Variants in TRAPPC9 observed in about 807,000 individuals in gnomAD.
TRAPPC9 encodes trafficking protein particle complex subunit 9.
Under a neutral mutation model 124.0 loss-of-function variants are expected in TRAPPC9, and 83 were observed. The ratio of observed to expected loss-of-function variants is 0.67; its 90% CI spans 0.56 to 0.80. The LOEUF is 0.80. Ranked by LOEUF, TRAPPC9 falls within the 30% of genes least tolerant of loss-of-function variation. The pLI, the probability that TRAPPC9 is intolerant of heterozygous loss-of-function variation, is 0.00. For missense variants in TRAPPC9, 1,302 were observed against 1,508.3 expected, an observed-to-expected ratio of 0.86 and a Z score of 2.27; for synonymous variants, 638 against 617.5, an observed-to-expected ratio of 1.03 and a Z score of -0.49.
At chr8:139,818,924 T>C (rs1825055039) in intron 21 of TRAPPC9, among the ~76,000 whole-genome samples, 1 of 152,242 alleles carries the variant, frequency 6.6e-6, no homozygotes, top group African/African-American at 2.4e-5. Context: ...CTTAGTCCCT[T>C]GTACACATCT....
chr8:139,812,366 G>C (rs1824501791), intron 21 of TRAPPC9, among the ~76,000 whole-genome samples: 1 of 152,196 alleles, frequency 6.6e-6, no homozygotes, highest in South Asian at 2.1e-4. Flanking sequence ...AACTGTAGTA[G>C]ACAGGTAGAG....
At position 140,373,684 on chromosome 8, in the gene TRAPPC9, G is replaced by A. The variant is rs142115976; in HGVS notation, c.1135-2504C>T. ...ATATCACCTGCTCACCAGCATATGA[G>A]GATATCACCTGCTCACCAGCATATG... On this transcript the variant is annotated intron_variant, in intron 7 of 22. Coordinates refer to ENST00000438773, the MANE Select transcript of TRAPPC9 (RefSeq NM_001160372.4). 1.2e-4 allele frequency among the ~76,000 whole-genome samples: 19 copies of A among 152,192 alleles called. 1 individual carries two copies. The East Asian group carries it at 1.7e-3, about 14-fold the overall frequency.
rs542435829 is a variant in TRAPPC9 at position 139,903,023 on chromosome 8, T to C, written c.2964+7124A>G. 8.5e-5 allele frequency among the ~76,000 whole-genome samples: 13 copies of C among 152,268 alleles called. No homozygotes were observed. The South Asian group carries it at 1.2e-3, about 15-fold the overall frequency. On this transcript the variant is annotated intron_variant, in intron 20 of 22. Transcript: ENST00000438773. ...CTCTTCACTTTGCAGAGGGTGACTG[T>C]TGTCTGCAAGATCCAACACCCCTCA...
chr8:139,859,496 A>G (rs1288201246), intron 21 of TRAPPC9, among the ~76,000 whole-genome samples: 1 of 152,204 alleles, frequency 6.6e-6, no homozygotes, highest in Non-Finnish European at 1.5e-5. Flanking sequence ...CAGCTTCAGA[A>G]AGAAGGAAAA....
At chr8:139,997,026 C>T (rs190707588) in intron 18 of TRAPPC9, among the ~76,000 whole-genome samples, 111 of 152,288 alleles carry the variant, frequency 7.3e-4, no homozygotes, top group African/African-American at 2.6e-3. Context: ...GGATTACAGG[C>T]GTGAGCCATC....
At chr8:140,332,950 C>A (rs1207009965) in intron 9 of TRAPPC9, among the ~76,000 whole-genome samples, 1 of 151,968 alleles carries the variant, frequency 6.6e-6, no homozygotes, top group Non-Finnish European at 1.5e-5. Context: ...CATCGTGAAA[C>A]CCCCAACTCT....
In TRAPPC9 at chr8:140,397,600, A is replaced by G; in HGVS notation, c.1134+20T>C. 6.2e-7 allele frequency: 1 copy of G among 1,613,758 alleles called. No homozygotes were observed. The highest frequency in any genetic ancestry group is 8.5e-7 in the Non-Finnish European group (1 of 1,179,838). ...AAGAACTGGATGAACTCTTCCACTT[A>G]CAGGTAGACATACACTCACCTGTCG... On this transcript the variant is annotated intron_variant, in intron 7 of 22. Transcript: ENST00000438773.
rs180995442 is a variant in TRAPPC9, at chr8:140,069,806, A to T, written c.2557-45727T>A. 1.0e-3 allele frequency among the ~76,000 whole-genome samples: 152 copies of T among 152,310 alleles called. 2 individuals carry two copies. Among genetic ancestry groups the T allele is most frequent in the Non-Finnish European group, 1.3e-3 (89 of 68,020 alleles). ...GAGGAGCTGCAGGTCCGAAAGCCTC[A>T]AAGCCAGTGAGGCCAGTGCTGTAGC... On this transcript the variant is annotated intron_variant, in intron 17 of 22. Coordinates refer to ENST00000438773, the MANE Select transcript of TRAPPC9 (RefSeq NM_001160372.4).
In TRAPPC9 at chr8:140,063,314, G is replaced by A. The variant is rs1025740258; in HGVS notation, c.2557-39235C>T. Among the ~76,000 whole-genome samples, 22 of 152,258 alleles carry A rather than the reference G, an allele frequency of 1.4e-4. No individual in the cohort carries two copies. The highest frequency in any genetic ancestry group is 2.2e-4 in the African/African-American group (9 of 41,550). ...TCCTCTTTGGCCCACGTGGCCTTCC[G>A]CTTCCTGTGCTCTCACCTCACGTCA... is the stretch of plus-strand genomic sequence containing the variant. On this transcript the variant is annotated intron_variant, in intron 17 of 22. Transcript: ENST00000438773. The surrounding 1 kb of genome is among the most constrained non-coding windows in gnomAD (Gnocchi z 4.3).
intron 17 of TRAPPC9, among the ~76,000 whole-genome samples, chr8:140,125,003 TC>T (rs2061058996): frequency 6.6e-6 from 1 of 152,186 alleles, no homozygotes; most frequent in South Asian, 2.1e-4. Context: ...GGTGTCACTG[TC>T]CCCCAACCAG....
chr8:139,833,334 T>C (rs1024237459), intron 21 of TRAPPC9, among the ~76,000 whole-genome samples: 2 of 152,212 alleles, frequency 1.3e-5, no homozygotes, highest in Admixed American at 6.5e-5. Flanking sequence ...GCAGCAATTC[T>C]GCTTCAGTTT....
At chr8:140,196,229 C>T (rs1164897267) in intron 17 of TRAPPC9, among the ~76,000 whole-genome samples, 1 of 7,002 alleles carries the variant, frequency 1.4e-4, no homozygotes, top group South Asian at 5.3e-3. Flanking sequence ...ACACACTCAA[C>T]GATCCACCAT....
At chr8:139,840,418 A>C (rs1373622918) in intron 21 of TRAPPC9, among the ~76,000 whole-genome samples, 1 of 152,142 alleles carries the variant, frequency 6.6e-6, no homozygotes, top group Non-Finnish European at 1.5e-5. Flanking sequence ...TTCCATTGAG[A>C]CTCAAATGCT....
intron 21 of TRAPPC9, among the ~76,000 whole-genome samples, chr8:139,810,646 G>A (rs1824378311): frequency 6.6e-6 from 1 of 152,178 alleles, no homozygotes; most frequent in Non-Finnish European, 1.5e-5. Flanking sequence ...TTCTTGGTAG[G>A]ACTTGGGCCA....
At chr8:139,831,675 C>T (rs575510239) in intron 21 of TRAPPC9, among the ~76,000 whole-genome samples, 1 of 152,216 alleles carries the variant, frequency 6.6e-6, no homozygotes, top group Non-Finnish European at 1.5e-5. Flanking sequence ...TCCACCCCAC[C>T]CCTCACTGAG....
chr8:139,969,723 C>A (rs1835939106), intron 19 of TRAPPC9, among the ~76,000 whole-genome samples: 1 of 152,212 alleles, frequency 6.6e-6, no homozygotes. Flanking sequence ...CCACCAGGCA[C>A]AAAGGTTCAA....
At chr8:139,787,014 A>G (rs564958900) in intron 21 of TRAPPC9, among the ~76,000 whole-genome samples, 1 of 152,334 alleles carries the variant, frequency 6.6e-6, no homozygotes, top group South Asian at 2.1e-4. Context: ...TACATGTTAA[A>G]TATGTTTCAT....
chr8:139,982,093 T>C lies in TRAPPC9; in HGVS notation c.2810+6633A>G, dbSNP rs569224592. 3.3e-5 allele frequency among the ~76,000 whole-genome samples: 5 copies of C among 152,314 alleles called. No homozygotes were observed. In the South Asian group the frequency reaches 1.0e-3, roughly 32 times the overall value. ...AATTTAATTTCAATGGTTTGATAAT[T>C]AGGCAAAAAAACCCACAATTGTCGT... is the stretch of plus-strand genomic sequence containing the variant. On this transcript the variant is annotated intron_variant, in intron 19 of 22. Transcript: ENST00000438773.
At chr8:140,239,596 T>A (rs1217397924) in intron 16 of TRAPPC9, among the ~76,000 whole-genome samples, 1 of 152,140 alleles carries the variant, frequency 6.6e-6, no homozygotes, top group Non-Finnish European at 1.5e-5. Flanking sequence ...CGCATCCACC[T>A]CCTCACGGCC....
Sources: gnomAD v4.1 joint callset for allele counts (sites outside exome capture counted in the v4.1 genomes callset) on GRCh38, gnomAD v4.1.1 for gene constraint, Gnocchi (gnomAD v3.1) non-coding constraint, MANE v1.5 for transcripts, NCBI Gene and HGNC (gene_info 2026-07-23, HGNC 2026-07-21) for gene names.